JMY: variants seen among roughly 807,000 people sequenced by gnomAD.
JMY encodes junction mediating and regulatory protein, p53 cofactor, also known as junction-mediating and -regulatory protein.
In JMY, 46 loss-of-function variants were observed where a neutral mutation model predicts 103.3. That is an observed-to-expected ratio of 0.45 (90% CI 0.35 to 0.57). JMY has a LOEUF of 0.57. Among genes scored for constraint, JMY ranks in the 20% least tolerant of loss-of-function variants. The probability of loss-of-function intolerance (pLI) is 0.00; values close to 1 mark genes in which losing one functional copy is unlikely to be tolerated. For synonymous variants in JMY, 526 were observed against 489.3 expected (o/e 1.07, Z -0.99); for missense variants, 1,238 against 1,255.2 (o/e 0.99, Z 0.21).
intron 2 of JMY, among the ~76,000 whole-genome samples, chr5:79,282,082 C>G (rs559928492): frequency 6.6e-6 from 1 of 152,214 alleles, no homozygotes; most frequent in African/African-American, 2.4e-5. Flanking sequence ...TGGTGGCCAC[C>G]TGTAGTCCCA....
At chr5:79,284,734 A>C (rs996069839) in intron 2 of JMY, 11 of 1,589,768 alleles carry the variant, frequency 6.9e-6, no homozygotes, top group Non-Finnish European at 9.4e-6. Flanking sequence ...ACGACCCTTG[A>C]GACCATCAGA....
intron 6 of JMY, among the ~76,000 whole-genome samples, chr5:79,302,306 GTC>G (rs1746760641): frequency 1.3e-5 from 2 of 152,120 alleles, no homozygotes; most frequent in African/African-American, 4.8e-5. Context: ...TTAATTGAAA[GTC>G]TGATTTCATT....
chr5:79,252,889 C>CT (rs1285147034), intron 1 of JMY, among the ~76,000 whole-genome samples: 20 of 152,272 alleles, frequency 1.3e-4, no homozygotes, highest in African/African-American at 4.6e-4. Context: ...CCATCTGTGT[C>CT]TAACAATTGG....
At chr5:79,240,881 C>G (rs1744718677) in intron 1 of JMY, among the ~76,000 whole-genome samples, 2 of 152,064 alleles carry the variant, frequency 1.3e-5, no homozygotes, top group South Asian at 4.1e-4. Flanking sequence ...GAAGTTGTGC[C>G]ATGTTTGTGT....
Position 79,321,745 on chromosome 5 carries a change from A to G in JMY, c.*143A>G, listed in dbSNP as rs1747456938. The G allele has an allele frequency of 6.6e-6, 1 of 152,190 alleles. No homozygotes were observed. Among genetic ancestry groups the G allele is most frequent in the African/African-American group, 2.4e-5 (1 of 41,442 alleles). 9.4% of individuals were successfully genotyped at this position (152,190 alleles called of 1,614,324 possible). A position where few individuals can be genotyped will look rare whatever the true frequency, so the allele number is the denominator to read the frequency against. On this transcript the variant is annotated 3_prime_UTR_variant, in exon 11 of 11. Coordinates refer to ENST00000396137, the MANE Select transcript of JMY (RefSeq NM_152405.5). ...CAGTGGTGTGAAGAAAGGAAGCACAATTGGCAGGTTATCACTTTCCAGTCG... is the reference window on the plus strand; with the variant it reads ...CAGTGGTGTGAAGAAAGGAAGCACAGTTGGCAGGTTATCACTTTCCAGTCG...
chr5:79,252,195 C>G (rs915684102), intron 1 of JMY, among the ~76,000 whole-genome samples: 15 of 152,088 alleles, frequency 9.9e-5, no homozygotes, highest in African/African-American at 3.4e-4. Context: ...AATAAATTTT[C>G]CTTCTTAATT....
At position 79,278,096 on chromosome 5, in the gene JMY, T is replaced by G; in HGVS notation, c.1206+13T>G. On this transcript the variant is annotated intron_variant, in intron 2 of 10. Coordinates refer to ENST00000396137, the MANE Select transcript of JMY (RefSeq NM_152405.5). ...ACAGCAGATCAAGGTATTTTTTTAT[T>G]AATCCTAACTAGTAGCCTGCCTGTT... is the stretch of plus-strand genomic sequence containing the variant. The G allele has an allele frequency of 1.3e-6, 2 of 1,597,914 alleles. No homozygotes were observed. The highest frequency in any genetic ancestry group is 1.7e-6 in the Non-Finnish European group (2 of 1,169,426).
intron 1 of JMY, among the ~76,000 whole-genome samples, chr5:79,268,734 C>T (rs546605504): frequency 9.2e-5 from 14 of 152,206 alleles, no homozygotes; most frequent in East Asian, 5.8e-4. Context: ...ATGATCCACC[C>T]GCCTCGGCTT....
At chr5:79,265,123 A>G (rs1018343904) in intron 1 of JMY, among the ~76,000 whole-genome samples, 5 of 151,994 alleles carry the variant, frequency 3.3e-5, no homozygotes, top group Admixed American at 6.6e-5. Flanking sequence ...GACAGGTTTC[A>G]CCTTGTTAGC....
Position 79,237,404 on chromosome 5 carries a change from T to G in JMY, c.754T>G (p.Leu252Val). 1 of 1,613,278 alleles carries G rather than the reference T, an allele frequency of 6.2e-7. No individual in the cohort carries two copies. The highest frequency in any genetic ancestry group is 8.5e-7 in the Non-Finnish European group (1 of 1,179,920). ...HQQLCSVNSQ[L>V]EPCLPVFPEE... Reference sequence around the variant, plus strand: ...GCAGCTGTGCTCGGTGAACTCGCAGTTGGAGCCGTGCCTGCCGGTGTTCCC... The same window carrying G: ...GCAGCTGTGCTCGGTGAACTCGCAGGTGGAGCCGTGCCTGCCGGTGTTCCC... Residue 252 changes from leucine (L) to valine (V), a missense_variant, in exon 1 of 11, where the codon TTG (leucine) becomes GTG (valine). Leu to Val is a conservative substitution (Grantham distance 32). Transcript: ENST00000396137.
intron 10 of JMY, 107 bp downstream of exon 10, chr5:79,316,417 T>C (rs554622852): frequency 1.3e-6 from 1 of 799,806 alleles, no homozygotes; most frequent in African/African-American, 1.7e-5. Context: ...GTTTGTTTTA[T>C]AACCCAATTT....
At chr5:79,286,460 GTGAAACCCCATCTCTAC>G (rs1452852711) in intron 2 of JMY, among the ~76,000 whole-genome samples, 1 of 152,016 alleles carries the variant, frequency 6.6e-6, no homozygotes, top group Non-Finnish European at 1.5e-5. Flanking sequence ...GGCCAACGTC[GTGAAACCCCATCTCTAC>G]TAAAAATAAA....
At chr5:79,275,856 A>G (rs1041563604) in intron 1 of JMY, among the ~76,000 whole-genome samples, 2 of 152,246 alleles carry the variant, frequency 1.3e-5, no homozygotes, top group African/African-American at 4.8e-5. Context: ...TTAATAATAC[A>G]GTGCTGCTAC....
chr5:79,324,791 T>A lies in JMY; in HGVS notation c.*3189T>A, dbSNP rs1747577997. On this transcript the variant is annotated 3_prime_UTR_variant, in exon 11 of 11. Transcript: ENST00000396137. ...TGAAATATTTCTGTAATGCATTTTT[T>A]AAAAGGAGACTCCTAGACACAGCTG... The A allele has an allele frequency of 6.6e-6, 1 of 152,590 alleles. No individual in the cohort carries two copies. Among genetic ancestry groups the A allele is most frequent in the African/African-American group, 2.4e-5 (1 of 41,468 alleles). The allele number at this position is 152,590 out of a possible 1,614,324, so 9.5% of individuals were successfully genotyped here.
intron 1 of JMY, among the ~76,000 whole-genome samples, chr5:79,268,037 AGT>A (rs1265649352): frequency 6.6e-6 from 1 of 152,206 alleles, no homozygotes; most frequent in Non-Finnish European, 1.5e-5. Context: ...TGAAGCCAGG[AGT>A]TCAAGATGAG....
intron 8 of JMY, among the ~76,000 whole-genome samples, chr5:79,313,154 A>T (rs1747102812): frequency 6.6e-6 from 1 of 152,154 alleles, no homozygotes; most frequent in Admixed American, 6.5e-5. Context: ...TTATTAAGTA[A>T]ATGTGGCTCA....
Position 79,236,944 on chromosome 5 carries a change from G to T in JMY, c.294G>T (p.Leu98=). 6.9e-7 allele frequency: 1 copy of T among 1,446,830 alleles called. No homozygotes were observed. The highest frequency in any genetic ancestry group is 1.5e-5 in the South Asian group (1 of 66,990). The allele number at this position is 1,446,830 out of a possible 1,614,324, so 89.6% of individuals were successfully genotyped here. A position where few individuals can be genotyped will look rare whatever the true frequency, so the allele number is the denominator to read the frequency against. The change falls in exon 1 of 11, where the codon CTG becomes CTT. Residue 98 remains leucine (L), a synonymous_variant. Coordinates refer to ENST00000396137, the MANE Select transcript of JMY (RefSeq NM_152405.5). ...CCGAGGCCACTGCCTCTGCAACTCT[G>T]GTTAGGAGCCCCGGGCCCCGGCGGA... ...GRPEATASAT[L]VRSPGPRRSS... is the part of the protein sequence containing the mutation.
intron 1 of JMY, among the ~76,000 whole-genome samples, chr5:79,252,225 C>A (rs1271986178): frequency 4.6e-5 from 7 of 151,980 alleles, no homozygotes. Context: ...ACCTACTGGT[C>A]ATTCAGGAGC....
At chr5:79,245,281 G>C (rs1213874954) in intron 1 of JMY, among the ~76,000 whole-genome samples, 1 of 152,136 alleles carries the variant, frequency 6.6e-6, no homozygotes, top group Non-Finnish European at 1.5e-5. Context: ...TAGGCACTGG[G>C]AAAATGCAGT....
Sources: allele counts gnomAD v4.1 joint callset (sites outside exome capture counted in the v4.1 genomes callset), GRCh38; gene constraint gnomAD v4.1.1; transcripts MANE v1.5; gene names NCBI Gene and HGNC (gene_info 2026-07-23, HGNC 2026-07-21).